The following SLC4A4 variants were observed in gnomAD, a reference collection of about 807,000 sequenced individuals.
The protein encoded by SLC4A4 is electrogenic sodium bicarbonate cotransporter 1.
A neutral mutation model predicts 111.5 loss-of-function variants in SLC4A4; 27 were observed. The observed-to-expected ratio is 0.24, with a 90% confidence interval of 0.18 to 0.33. SLC4A4 has a LOEUF of 0.33. SLC4A4 is among the 10% of genes least tolerant of loss of function. The probability of loss-of-function intolerance (pLI) is 1.00; values close to 1 mark genes in which losing one functional copy is unlikely to be tolerated. For synonymous variants in SLC4A4, 443 were observed against 463.4 expected (o/e 0.96, Z 0.57); for missense variants, 909 against 1,315.5 (o/e 0.69, Z 4.78).
intron 4 of SLC4A4, among the ~76,000 whole-genome samples, chr4:71,348,752 T>A: frequency 6.6e-6 from 1 of 152,114 alleles, no homozygotes; most frequent in East Asian, 1.9e-4. Context: ...ACTAATGTGT[T>A]TTTTTTTCCC....
Position 71,282,959 on chromosome 4 carries a change from A to G in SLC4A4, c.253+27560A>G, listed in dbSNP as rs535949543. On this transcript the variant is annotated intron_variant, in intron 3 of 25. Coordinates refer to ENST00000264485, the MANE Select transcript of SLC4A4 (RefSeq NM_001098484.3). ...TGACTGGTGACTGGATTTTTCCGCA[A>G]CGATAAAGGGACTATTACATTGAGA... Among the ~76,000 whole-genome samples the G allele has an allele frequency of 1.1e-4, 17 of 152,306 alleles. No homozygotes were observed. The South Asian group carries it at 3.5e-3, about 32-fold the overall frequency.
At position 71,568,831 on chromosome 4, in the gene SLC4A4, T is replaced by A. The variant is rs1238200489; in HGVS notation, c.*1080T>A. On this transcript the variant is annotated 3_prime_UTR_variant, in exon 26 of 26. Transcript: ENST00000264485. ...AGGCAAGATCAGATTAAAAACACCA[T>A]GTTTCTAAGCATCCATTTTTCCCTT... is the stretch of plus-strand genomic sequence containing the variant. 1 of 152,096 alleles carries A rather than the reference T, an allele frequency of 6.6e-6. No individual in the cohort carries two copies. The highest frequency in any genetic ancestry group is 1.5e-5 in the Non-Finnish European group (1 of 67,798). The allele number at this position is 152,096 out of a possible 1,614,324, so 9.4% of individuals were successfully genotyped here.
chr4:71,497,805 T>C, intron 16 of SLC4A4, 113 bp downstream of exon 16: 1 of 900,860 alleles, frequency 1.1e-6, no homozygotes, highest in Non-Finnish European at 1.8e-6. Context: ...TATAATTTTG[T>C]GCGTTTTAAA....
intron 3 of SLC4A4, among the ~76,000 whole-genome samples, chr4:71,311,909 G>GAGAGAGAGAA (rs1251252131): frequency 6.6e-6 from 1 of 151,056 alleles, no homozygotes; most frequent in Non-Finnish European, 1.5e-5. Flanking sequence ...GAGAGAGAGA[G>GAGAGAGAGAA]AGAGAGAGAG....
chr4:71,333,733 G>A (rs1728203449), intron 3 of SLC4A4, among the ~76,000 whole-genome samples: 1 of 152,176 alleles, frequency 6.6e-6, no homozygotes, highest in Admixed American at 6.5e-5. Flanking sequence ...TGGCACCCAA[G>A]CTGCAAAGCA....
intron 7 of SLC4A4, among the ~76,000 whole-genome samples, chr4:71,419,875 C>T (rs1466335623): frequency 6.6e-6 from 1 of 152,122 alleles, no homozygotes; most frequent in African/African-American, 2.4e-5. Flanking sequence ...GTAGATAAAA[C>T]CACAAAGATG....
At chr4:71,382,995 A>T (rs1718301369) in intron 6 of SLC4A4, among the ~76,000 whole-genome samples, 1 of 152,170 alleles carries the variant, frequency 6.6e-6, no homozygotes, top group Non-Finnish European at 1.5e-5. Flanking sequence ...TTTTAAATGC[A>T]CCTTTGCCCA....
chr4:71,540,337 G>T (rs1578146791), intron 18 of SLC4A4, among the ~76,000 whole-genome samples: 1 of 152,206 alleles, frequency 6.6e-6, no homozygotes, highest in East Asian at 1.9e-4. Flanking sequence ...TTCTTTCATA[G>T]ATTTTGATTT....
chr4:71,502,093 C>G (rs1730990045), intron 16 of SLC4A4, among the ~76,000 whole-genome samples: 1 of 152,202 alleles, frequency 6.6e-6, no homozygotes, highest in Non-Finnish European at 1.5e-5. Flanking sequence ...TCCTGAGTAA[C>G]TGGGATTACA....
At chr4:71,187,561 C>T (rs1008212747) in intron 1 of SLC4A4, among the ~76,000 whole-genome samples, 160 bp downstream of exon 1, 1 of 152,006 alleles carries the variant, frequency 6.6e-6, no homozygotes, top group African/African-American at 2.4e-5. Context: ...CGGGCATCCC[C>T]TGAGCTGGGC....
chr4:71,452,943 G>A (rs1725903339), intron 11 of SLC4A4, among the ~76,000 whole-genome samples: 1 of 151,826 alleles, frequency 6.6e-6, no homozygotes, highest in Non-Finnish European at 1.5e-5. Context: ...TTCATTTATT[G>A]TCTGCCTCCT....
intron 7 of SLC4A4, among the ~76,000 whole-genome samples, chr4:71,408,572 T>C (rs759902875): frequency 1.1e-4 from 16 of 152,208 alleles, no homozygotes; most frequent in Non-Finnish European, 1.9e-4. Flanking sequence ...TAACTTCTGC[T>C]CTATACTGCT....
At chr4:71,205,104 T>C (rs1213772507) in intron 1 of SLC4A4, among the ~76,000 whole-genome samples, 1 of 152,140 alleles carries the variant, frequency 6.6e-6, no homozygotes, top group African/African-American at 2.4e-5. Context: ...CCAGACTAAT[T>C]CCCAGCTTGT....
chr4:71,332,276 G>T (rs1193129567), intron 3 of SLC4A4, among the ~76,000 whole-genome samples: 2 of 151,660 alleles, frequency 1.3e-5, no homozygotes, highest in African/African-American at 4.8e-5. Context: ...TTTTTTGTTT[G>T]AAGTTTTTCT....
At chr4:71,535,737 G>C (rs909635378) in intron 18 of SLC4A4, among the ~76,000 whole-genome samples, 1 of 151,962 alleles carries the variant, frequency 6.6e-6, no homozygotes, top group Non-Finnish European at 1.5e-5. Flanking sequence ...CCTGGAGGTC[G>C]GCATATTTAG....
rs146124026 is a variant in SLC4A4, at chr4:71,351,679, A to AC, written c.550+1611dup. On this transcript the variant is annotated intron_variant, in intron 5 of 25. Coordinates refer to ENST00000264485, the MANE Select transcript of SLC4A4 (RefSeq NM_001098484.3). ...AGACCAGTCTGGCCAACATGGTGAA[A>AC]CCCCACTCCTGCCTCTACTAAAAAT... 7.9e-3 allele frequency among the ~76,000 whole-genome samples: 1,202 copies of AC among 152,186 alleles called. 16 individuals carry two copies. The highest frequency in any genetic ancestry group is 0.026 in the African/African-American group (1,064 of 41,532).
At chr4:71,306,345 G>A (rs1269627714) in intron 3 of SLC4A4, among the ~76,000 whole-genome samples, 2 of 152,230 alleles carry the variant, frequency 1.3e-5, no homozygotes, top group African/African-American at 4.8e-5. Context: ...CACTTTGGGA[G>A]GCTGAGGCGG....
intron 2 of SLC4A4, among the ~76,000 whole-genome samples, chr4:71,114,540 C>G (rs548044309): frequency 2.7e-4 from 41 of 150,568 alleles, no homozygotes. Context: ...TGAACAGACA[C>G]TTCTCAAAAG....
intron 1 of SLC4A4, among the ~76,000 whole-genome samples, chr4:71,213,644 C>T (rs1415353381): frequency 1.3e-5 from 2 of 152,124 alleles, no homozygotes; most frequent in East Asian, 1.9e-4. Flanking sequence ...CCACCCTGAC[C>T]CCCACCCAGA....
Sources: allele counts gnomAD v4.1 joint callset (sites outside exome capture counted in the v4.1 genomes callset), GRCh38; gene constraint gnomAD v4.1.1; transcripts MANE v1.5; gene names NCBI Gene and HGNC (gene_info 2026-07-23, HGNC 2026-07-21).